The following GPRC5A variants were observed in gnomAD, a reference collection of about 807,000 sequenced individuals.
The protein encoded by GPRC5A is retinoic acid-induced protein 3.
Under a neutral mutation model 22.5 loss-of-function variants are expected in GPRC5A, and 19 were observed. That is an observed-to-expected ratio of 0.85 (90% confidence interval 0.59 to 1.24). The LOEUF (loss-of-function observed/expected upper bound fraction) is 1.24. GPRC5A is among the 50% of genes most tolerant of loss of function. The pLI is 0.00. For missense variants in GPRC5A, 471 were observed against 451.1 expected, an observed-to-expected ratio of 1.04 and a Z score of -0.40; for synonymous variants, 192 against 184.5, an observed-to-expected ratio of 1.04 and a Z score of -0.33.
Position 12,908,297 on chromosome 12 carries a change from G to C in GPRC5A, c.48G>C (p.Lys16Asn). The change falls in exon 2 of 4, where the codon AAG (lysine) becomes AAC (asparagine). Residue 16 changes from lysine to asparagine, a missense_variant. By Grantham distance (94) the Lys-to-Asn change is moderately conservative (BLOSUM62 0). Transcript: ENST00000014914. ...GTTGCCGCAATGGCCTGAAATCCAA[G>C]TACTACAGACTTTGTGATAAGGCTG... Reference protein sequence around the residue: ...PDGCRNGLKSKYYRLCDKAEA... With the variant: ...PDGCRNGLKSNYYRLCDKAEA... The C allele has an allele frequency of 6.2e-7, 1 of 1,610,114 alleles. No individual in the cohort carries two copies. The highest frequency in any genetic ancestry group is 8.5e-7 in the Non-Finnish European group (1 of 1,178,342).
rs373275109 is a variant in GPRC5A at position 12,902,082 on chromosome 12, C to T, written c.-7-6161C>T. 4.6e-5 allele frequency among the ~76,000 whole-genome samples: 7 copies of T among 152,306 alleles called. No individual in the cohort carries two copies. In the East Asian group the frequency reaches 1.3e-3, roughly 29 times the overall value. On this transcript the variant is annotated intron_variant, in intron 1 of 3. Transcript: ENST00000014914. ...ATTTTCAGTTTTTCAGAACCCTGTC[C>T]ATCTCTTCCAATCCCCTGGTGTCTT...
chr12:12,908,109 G>A (rs1424729805), intron 1 of GPRC5A, 134 bp from the exon 2 acceptor site: 2 of 602,894 alleles, frequency 3.3e-6, no homozygotes, highest in Non-Finnish European at 5.8e-6. Flanking sequence ...TTTACTTAAT[G>A]TAGTAAGCTC....
At chr12:12,892,786 G>A (rs1863777072) in intron 1 of GPRC5A, among the ~76,000 whole-genome samples, 1 of 152,214 alleles carries the variant, frequency 6.6e-6, no homozygotes, top group Non-Finnish European at 1.5e-5. Flanking sequence ...TCTCCTCAGA[G>A]GCTTGTGTAA....
rs1864040120 is a variant in GPRC5A at position 12,914,562 on chromosome 12, T to TTC, written c.*2025_*2026dup. ...CTTCCTTCCTTTCTTCTTTCTTTCT[T>TTC]TCTTTCTTTCTTTCTTTCTTTCTTT... On this transcript the variant is annotated 3_prime_UTR_variant, in exon 4 of 4. Coordinates refer to ENST00000014914, the MANE Select transcript of GPRC5A (RefSeq NM_003979.4). The TTC allele has an allele frequency of 1.6e-5, 1 of 64,422 alleles. No homozygotes were observed. The highest frequency in any genetic ancestry group is 2.7e-5 in the Non-Finnish European group (1 of 36,578). The allele number at this position is 64,422 out of a possible 1,614,324, so 4.0% of individuals were successfully genotyped here.
intron 1 of GPRC5A, among the ~76,000 whole-genome samples, chr12:12,898,062 A>C (rs946857378): frequency 6.6e-6 from 1 of 152,116 alleles, no homozygotes. Context: ...TTACAGCCCA[A>C]ACCTCTCCTG....
In GPRC5A at chr12:12,915,006, T is replaced by A. The variant is rs1429999317; in HGVS notation, c.*2467T>A. ...AGTAAAAGGTAAAATCACAAAATACTCTGGATCGGCATTTTTTTTTTTTTT... is the reference window on the plus strand; with the variant it reads ...AGTAAAAGGTAAAATCACAAAATACACTGGATCGGCATTTTTTTTTTTTTT... On this transcript the variant is annotated 3_prime_UTR_variant, in exon 4 of 4. Transcript: ENST00000014914. 2 of 147,370 alleles carry A rather than the reference T, an allele frequency of 1.4e-5. No individual in the cohort carries two copies. The highest frequency in any genetic ancestry group is 1.4e-4 in the Admixed American group (2 of 14,064). The allele number at this position is 147,370 out of a possible 1,614,324, so 9.1% of individuals were successfully genotyped here. A position where few individuals can be genotyped will look rare whatever the true frequency, so the allele number is the denominator to read the frequency against.
intron 3 of GPRC5A, 119 bp downstream of exon 3, chr12:12,912,261 T>G (rs1864013172): frequency 1.1e-6 from 1 of 893,980 alleles, no homozygotes; most frequent in Non-Finnish European, 1.9e-6. Context: ...GAAGGAATGA[T>G]GGGTCTTCTT....
chr12:12,903,012 C>A (rs898964839), intron 1 of GPRC5A, among the ~76,000 whole-genome samples: 8 of 151,926 alleles, frequency 5.3e-5, no homozygotes, highest in Non-Finnish European at 1.2e-4. Context: ...GGTTGCCGGG[C>A]GCCGATATCG....
At chr12:12,900,015 G>A (rs1024054880) in intron 1 of GPRC5A, among the ~76,000 whole-genome samples, 5 of 152,302 alleles carry the variant, frequency 3.3e-5, no homozygotes, top group Middle Eastern at 3.4e-3. Flanking sequence ...GTTGCGAAGA[G>A]GAGTCTCAGG....
In GPRC5A at chr12:12,908,834, C is replaced by G. The variant is rs143257387; in HGVS notation, c.585C>G (p.Ser195=). The G allele has an allele frequency of 4.2e-5, 67 of 1,613,958 alleles. No homozygotes were observed. In the African/African-American group the frequency reaches 8.3e-4, roughly 20 times the overall value. The change falls in exon 2 of 4, where the codon TCC becomes TCG. Residue 195 remains serine (S), a synonymous_variant. Transcript: ENST00000014914. The stretch of plus-strand genomic sequence containing the variant: ...TGATGGCGCTGACCTTCCTCATGTC[C>G]TCCTTCACCTTCTGTGGTTCCTTCA... The part of the protein sequence containing the change: ...LFLMALTFLM[S]SFTFCGSFTG...
chr12:12,905,740 A>G (rs867709308), intron 1 of GPRC5A, among the ~76,000 whole-genome samples: 1 of 152,296 alleles, frequency 6.6e-6, no homozygotes, highest in Middle Eastern at 3.4e-3. Flanking sequence ...TCCTAGGGGT[A>G]TGGTCAAGGA....
chr12:12,908,375 G>C lies in GPRC5A; in HGVS notation c.126G>C (p.Ser42=). The stretch of plus-strand genomic sequence containing the variant: ...TGGCCACAGCCGGGGTTGTGACCTC[G>C]GTGGCCTTCATGCTCACTCTCCCGA... ...ETVATAGVVT[S]VAFMLTLPIL... The change falls in exon 2 of 4, where the codon TCG becomes TCC. Residue 42 remains serine (S), a synonymous_variant. Transcript: ENST00000014914. The C allele has an allele frequency of 1.2e-6, 2 of 1,614,082 alleles. No individual in the cohort carries two copies. The highest frequency in any genetic ancestry group is 1.1e-5 in the South Asian group (1 of 91,066).
rs1468350830 is a variant in GPRC5A at position 12,914,566 on chromosome 12, T to TTCTTTCTTTC, written c.*2029_*2038dup. 1.4e-5 allele frequency: 1 copy of TTCTTTCTTTC among 70,698 alleles called. No individual in the cohort carries two copies. Among genetic ancestry groups the TTCTTTCTTTC allele is most frequent in the Non-Finnish European group, 2.5e-5 (1 of 39,884 alleles). The allele number at this position is 70,698 out of a possible 1,614,324, so 4.4% of individuals were successfully genotyped here. A position where few individuals can be genotyped will look rare whatever the true frequency, so the allele number is the denominator to read the frequency against. On this transcript the variant is annotated 3_prime_UTR_variant, in exon 4 of 4. Coordinates refer to ENST00000014914, the MANE Select transcript of GPRC5A (RefSeq NM_003979.4). Reference sequence around the variant, plus strand: ...CTTCCTTTCTTCTTTCTTTCTTTCTTTCTTTCTTTCTTTCTTTCTTTCTTT... The same window carrying TTCTTTCTTTC: ...CTTCCTTTCTTCTTTCTTTCTTTCTTTCTTTCTTTCTCTTTCTTTCTTTCTTTCTTTCTTT...
In GPRC5A at chr12:12,912,716, A is replaced by G. The variant is rs569799739; in HGVS notation, c.*177A>G. 3.5e-6 allele frequency: 2 copies of G among 564,292 alleles called. No homozygotes were observed. The highest frequency in any genetic ancestry group is 6.3e-6 in the Non-Finnish European group (2 of 317,820). The allele number at this position is 564,292 out of a possible 1,614,324, so 35.0% of individuals were successfully genotyped here. A position where few individuals can be genotyped will look rare whatever the true frequency, so the allele number is the denominator to read the frequency against. On this transcript the variant is annotated 3_prime_UTR_variant, in exon 4 of 4. Transcript: ENST00000014914. Reference sequence around the variant, plus strand: ...CATGCTGGGGCTGATGTGGGCTAGTAAGACTCCAGTTCTTAGAGGCGCTGT... The same window carrying G: ...CATGCTGGGGCTGATGTGGGCTAGTGAGACTCCAGTTCTTAGAGGCGCTGT...
rs1864039413 is a variant in GPRC5A at position 12,914,554 on chromosome 12, T to TTC, written c.*2017_*2018dup. On this transcript the variant is annotated 3_prime_UTR_variant, in exon 4 of 4. Coordinates refer to ENST00000014914, the MANE Select transcript of GPRC5A (RefSeq NM_003979.4). ...TTTCCTTCCTTCCTTCCTTTCTTCT[T>TTC]TCTTTCTTTCTTTCTTTCTTTCTTT... 3.8e-5 allele frequency: 2 copies of TTC among 52,614 alleles called. No homozygotes were observed. Among genetic ancestry groups the TTC allele is most frequent in the Admixed American group, 4.4e-4 (2 of 4,510 alleles). 3.3% of individuals were successfully genotyped at this position (52,614 alleles called of 1,614,324 possible).
At chr12:12,912,210 CA>C (rs1864012782) in intron 3 of GPRC5A, 68 bp downstream of exon 3, 1 of 1,162,184 alleles carries the variant, frequency 8.6e-7, no homozygotes, top group Non-Finnish European at 1.3e-6. Flanking sequence ...CCTTTGGAAA[CA>C]GACGATGTTA....
At chr12:12,906,919 T>C (rs1168295459) in intron 1 of GPRC5A, among the ~76,000 whole-genome samples, 2 of 152,072 alleles carry the variant, frequency 1.3e-5, no homozygotes, top group Non-Finnish European at 2.9e-5. Flanking sequence ...TAGCTGGGCA[T>C]GTTGGCGCGT....
intron 2 of GPRC5A, chr12:12,909,381 G>A (rs1391904808): frequency 3.1e-5 from 16 of 521,104 alleles, no homozygotes. Context: ...TCTTTATTGA[G>A]TACTTTGTAC....
chr12:12,895,759 C>T (rs112440834), intron 1 of GPRC5A, among the ~76,000 whole-genome samples: 6,785 of 141,722 alleles, frequency 0.048, 565 homozygotes, highest in African/African-American at 0.17. Flanking sequence ...GGGCAGATCA[C>T]GAGGTCAGGA....
Sources: allele counts gnomAD v4.1 joint callset (sites outside exome capture counted in the v4.1 genomes callset), GRCh38; gene constraint gnomAD v4.1.1; transcripts MANE v1.5; gene names NCBI Gene and HGNC (gene_info 2026-07-23, HGNC 2026-07-21).